Variants in LRRK2 observed in about 807,000 individuals in gnomAD.
The protein encoded by LRRK2 is leucine-rich repeat serine/threonine-protein kinase 2.
Under a neutral mutation model 302.6 loss-of-function variants are expected in LRRK2, and 203 were observed. The observed-to-expected ratio is 0.67, with a 90% CI of 0.60 to 0.75. The LOEUF (loss-of-function observed/expected upper bound fraction) is 0.75. Among genes scored for constraint, LRRK2 ranks in the 30% least tolerant of loss-of-function variants. LRRK2 has a pLI of 0.00. For synonymous variants in LRRK2, 1,066 were observed against 1,031.9 expected (o/e 1.03, Z -0.63); for missense variants, 2,830 against 2,951.0 (o/e 0.96, Z 0.95).
At position 40,287,438 on chromosome 12, in the gene LRRK2, A is replaced by C; in HGVS notation, c.2588A>C (p.Asn863Thr). The C allele has an allele frequency of 6.2e-7, 1 of 1,612,598 alleles. No homozygotes were observed. Among genetic ancestry groups the C allele is most frequent in the African/African-American group, 1.3e-5 (1 of 74,874 alleles). Residue 863 changes from asparagine to threonine, a missense_variant, in exon 20 of 51, where the codon AAT (asparagine) becomes ACT (threonine). Asn to Thr is a moderately conservative substitution (Grantham distance 65). Coordinates refer to ENST00000298910, the MANE Select transcript of LRRK2 (RefSeq NM_198578.4). Reference protein sequence around the residue: ...EEGTASGSDGNFSEDVLSKFD... With the variant: ...EEGTASGSDGTFSEDVLSKFD... Reference sequence around the variant, plus strand: ...GGAACAGCCTCAGGCAGCGATGGAAATTTTTCTGAAGATGTGCTGTCTAAA... The same window carrying C: ...GGAACAGCCTCAGGCAGCGATGGAACTTTTTCTGAAGATGTGCTGTCTAAA...
chr12:40,261,214 T>C (rs11175766), intron 13 of LRRK2, among the ~76,000 whole-genome samples: 16,070 of 152,090 alleles, frequency 0.11, 1,071 homozygotes, highest in Middle Eastern at 0.13. Context: ...TTAAAAACAA[T>C]AAAAATGCCT....
intron 16 of LRRK2, among the ~76,000 whole-genome samples, chr12:40,277,366 A>G (rs1231373890): frequency 6.6e-6 from 1 of 152,260 alleles, no homozygotes; most frequent in East Asian, 1.9e-4. Context: ...GCGCTTCTCA[A>G]CTACACTCAA....
intron 26 of LRRK2, among the ~76,000 whole-genome samples, chr12:40,303,740 A>T (rs559953198): frequency 6.6e-6 from 1 of 152,208 alleles, no homozygotes; most frequent in South Asian, 2.1e-4. Context: ...TCCACTTCAT[A>T]AGAGATGAAG....
chr12:40,293,598 G>T lies in LRRK2; in HGVS notation c.2743G>T (p.Glu915Ter). 1 of 1,611,710 alleles carries T rather than the reference G, an allele frequency of 6.2e-7. No homozygotes were observed. The highest frequency in any genetic ancestry group is 8.5e-7 in the Non-Finnish European group (1 of 1,178,466). ...KKKSNSISVG[E>*]FYRDAVLQRC... ...GAAATCTAATTCAATTAGTGTAGGA[G>T]AATTTTACCGAGATGCCGTATTACA... Residue 915 changes from glutamate to a stop codon, truncating the protein, a stop_gained, in exon 21 of 51, where the codon GAA becomes TAA. Transcript: ENST00000298910. LOFTEE classifies it high-confidence loss of function.
Position 40,308,159 on chromosome 12 carries a change from G to GTA in LRRK2, c.3960-298_3960-297dup, listed in dbSNP as rs202132276. On this transcript the variant is annotated intron_variant, in intron 28 of 50. Coordinates refer to ENST00000298910, the MANE Select transcript of LRRK2 (RefSeq NM_198578.4). ...TATGTATATGTGTGTATATATAGAG[G>GTA]TATATATATATTGCATATCGTATTC... Among the ~76,000 whole-genome samples, 162 of 151,898 alleles carry GTA rather than the reference G, an allele frequency of 1.1e-3. 2 individuals are homozygous for GTA. The highest frequency in any genetic ancestry group is 3.5e-3 in the African/African-American group (143 of 41,426).
intron 34 of LRRK2, among the ~76,000 whole-genome samples, chr12:40,320,534 G>C (rs1487910904): frequency 6.6e-6 from 1 of 151,910 alleles, no homozygotes; most frequent in South Asian, 2.1e-4. Context: ...AGAAGATAGT[G>C]AGTTTTCAAC....
At chr12:40,284,179 T>TA (rs756918616) in intron 19 of LRRK2, 46 bp downstream of exon 19, 2 of 1,531,242 alleles carry the variant, frequency 1.3e-6, no homozygotes, top group South Asian at 2.4e-5. Context: ...TTTTTAATAG[T>TA]ATTTTTTTAA....
chr12:40,333,315 T>C (rs1010060936), intron 39 of LRRK2, among the ~76,000 whole-genome samples: 11 of 152,152 alleles, frequency 7.2e-5, no homozygotes, highest in Non-Finnish European at 1.0e-4. Flanking sequence ...GAATTCTCCA[T>C]GTTTCAGTTT....
chr12:40,233,199 A>G (rs1238949546), intron 3 of LRRK2, among the ~76,000 whole-genome samples: 1 of 152,210 alleles, frequency 6.6e-6, no homozygotes, highest in African/African-American at 2.4e-5. Context: ...CCTGGGTGAC[A>G]GAGCGACACT....
intron 3 of LRRK2, among the ~76,000 whole-genome samples, chr12:40,234,369 CTTTT>C (rs35906443): frequency 1.6e-3 from 67 of 43,070 alleles, no homozygotes; most frequent in African/African-American, 5.9e-3. Flanking sequence ...GCTAAATTCA[CTTTT>C]TTTTTTTTTT....
intron 25 of LRRK2, among the ~76,000 whole-genome samples, chr12:40,302,196 T>A (rs1163122424): frequency 1.3e-5 from 2 of 151,684 alleles, no homozygotes; most frequent in Admixed American, 1.3e-4. Context: ...ATAATAATAA[T>A]AAAATAATAA....
Position 40,278,280 on chromosome 12 carries a change from A to T in LRRK2, c.2241+19A>T. ...TTGTCAGGTAAATATTCAAGGCCTCACTTTTGTCTTTGCTCAGTATTCTTA... is the reference window on the plus strand; with the variant it reads ...TTGTCAGGTAAATATTCAAGGCCTCTCTTTTGTCTTTGCTCAGTATTCTTA... On this transcript the variant is annotated intron_variant, in intron 18 of 50. Transcript: ENST00000298910. The T allele has an allele frequency of 6.2e-7, 1 of 1,613,920 alleles. No homozygotes were observed. Among genetic ancestry groups the T allele is most frequent in the South Asian group, 1.1e-5 (1 of 91,084 alleles).
intron 2 of LRRK2, among the ~76,000 whole-genome samples, chr12:40,231,193 T>C (rs1419208761): frequency 6.6e-6 from 1 of 152,046 alleles, no homozygotes; most frequent in African/African-American, 2.4e-5. Flanking sequence ...TATAAGCCAC[T>C]TCATTTTTTC....
chr12:40,312,250 T>C (rs1945059678), intron 31 of LRRK2, among the ~76,000 whole-genome samples: 1 of 152,150 alleles, frequency 6.6e-6, no homozygotes. Context: ...AAGACAACTT[T>C]TTACAAGGAA....
At chr12:40,237,937 TTACTC>T (rs757330012) in intron 4 of LRRK2, 27 bp from the exon 5 acceptor site, 2 of 1,596,620 alleles carry the variant, frequency 1.3e-6, no homozygotes, top group Non-Finnish European at 1.7e-6. Context: ...AAGCAGCTCT[TTACTC>T]AGAGCATATT....
chr12:40,232,292 T>C lies in LRRK2; in HGVS notation c.256T>C (p.Cys86Arg), dbSNP rs1565665382. The change falls in exon 3 of 51, where the codon TGC becomes CGC. Residue 86 changes from cysteine (C) to arginine (R), a missense_variant. Physicochemically the swap from Cys to Arg is radical, Grantham distance 180. Transcript: ENST00000298910. ...SVQQVGWSLL[C>R]KLIEVCPGTM... The stretch of plus-strand genomic sequence containing the variant: ...TTTTCAGGTGGGTTGGTCACTTCTG[T>C]GCAAATTAATAGAAGTCTGTCCAGG... 1.2e-6 allele frequency: 2 copies of C among 1,614,080 alleles called. No individual in the cohort carries two copies. The highest frequency in any genetic ancestry group is 1.7e-6 in the Non-Finnish European group (2 of 1,179,950).
chr12:40,295,301 G>A (rs939584430), intron 22 of LRRK2, 126 bp from the exon 23 acceptor site: 7 of 804,104 alleles, frequency 8.7e-6, no homozygotes, highest in Non-Finnish European at 1.4e-5. Context: ...TCCATAGTTT[G>A]GTTTTCTACT....
intron 6 of LRRK2, among the ~76,000 whole-genome samples, chr12:40,241,519 TTG>T (rs1251007995): frequency 6.6e-6 from 1 of 152,202 alleles, no homozygotes. Context: ...CATTAACACT[TTG>T]TATTTTATGT....
At chr12:40,312,200 T>C (rs1945058421) in intron 31 of LRRK2, among the ~76,000 whole-genome samples, 1 of 152,176 alleles carries the variant, frequency 6.6e-6, no homozygotes, top group Non-Finnish European at 1.5e-5. Flanking sequence ...TACCAATAAG[T>C]CAGACTAGTT....
Sources: allele counts gnomAD v4.1 joint callset (sites outside exome capture counted in the v4.1 genomes callset), GRCh38; gene constraint gnomAD v4.1.1; transcripts MANE v1.5; gene names NCBI Gene and HGNC (gene_info 2026-07-23, HGNC 2026-07-21).